Variants in MNX1 observed in about 807,000 individuals in gnomAD.
The protein encoded by MNX1 is motor neuron and pancreas homeobox protein 1.
In MNX1, 2 loss-of-function variants were observed where a neutral mutation model predicts 17.3. The ratio of observed to expected loss-of-function variants is 0.12; its 90% CI spans 0.05 to 0.36. The LOEUF (loss-of-function observed/expected upper bound fraction) is 0.36, where lower values mean the gene tolerates loss of function less well. Ranked by LOEUF, MNX1 falls within the 10% of genes least tolerant of loss-of-function variation. MNX1 has a pLI of 1.00. For missense variants in MNX1, 556 were observed against 564.7 expected (o/e 0.98, Z 0.16); for synonymous variants, 306 against 283.1 (o/e 1.08, Z -0.81).
At position 157,010,605 on chromosome 7, in the gene MNX1, GC is replaced by G; in HGVS notation, c.-256del. ...TGCTTCCCCGCGTCCGGGCCCGGGA[GC>G]CCGGTTCTTTGCGCTGCAGCCCTCA... is the stretch of plus-strand genomic sequence containing the variant. On this transcript the variant is annotated 5_prime_UTR_variant, in exon 1 of 3. Coordinates refer to ENST00000252971, the MANE Select transcript of MNX1 (RefSeq NM_005515.4). The G allele has an allele frequency of 3.5e-6, 1 of 287,206 alleles. No individual in the cohort carries two copies. The highest frequency in any genetic ancestry group is 6.5e-6 in the Non-Finnish European group (1 of 152,940). 17.8% of individuals were successfully genotyped at this position (287,206 alleles called of 1,614,324 possible). A position where few individuals can be genotyped will look rare whatever the true frequency, so the allele number is the denominator to read the frequency against.
intron 1 of MNX1, chr7:157,007,638 T>C (rs1805629936): frequency 6.6e-6 from 1 of 152,224 alleles, no homozygotes; most frequent in South Asian, 2.1e-4. Flanking sequence ...TTACATAATT[T>C]CGCACGGTTA....
At position 157,010,093 on chromosome 7, in the gene MNX1, C is replaced by T. The variant is rs1338262154; in HGVS notation, c.258G>A (p.Ala86=). 3.0e-6 allele frequency: 3 copies of T among 984,778 alleles called. No homozygotes were observed. In the African/African-American group the frequency reaches 5.3e-5, roughly 17 times the overall value. The allele number at this position is 984,778 out of a possible 1,614,324, so 61.0% of individuals were successfully genotyped here. Residue 86 remains alanine (A), a synonymous_variant, in exon 1 of 3, where the codon GCG becomes GCA. Transcript: ENST00000252971. ...CCGGCTTGGGCAGCAGCGCGCAGTG[C>T]GCGGCCAGCAGGCGCGGCGGCGACG... ...ESPSPPRLLA[A]HCALLPKPGF... is the part of the protein sequence containing the mutation.
At position 157,004,938 on chromosome 7, in the gene MNX1, T is replaced by C; in HGVS notation, c.*582A>G. On this transcript the variant is annotated 3_prime_UTR_variant, in exon 3 of 3. Coordinates refer to ENST00000252971, the MANE Select transcript of MNX1 (RefSeq NM_005515.4). The surrounding 1 kb of genome is among the most constrained non-coding windows in gnomAD (Gnocchi z 6.2). Reference sequence around the variant, plus strand: ...TAATTTAGCATGCATACGTAGACGTTTCTTTTTATATATAAATACAATATA... The same window carrying C: ...TAATTTAGCATGCATACGTAGACGTCTCTTTTTATATATAAATACAATATA... The C allele has an allele frequency of 4.9e-6, 1 of 205,790 alleles. No individual in the cohort carries two copies. Among genetic ancestry groups the C allele is most frequent in the East Asian group, 7.4e-5 (1 of 13,544 alleles). 12.7% of individuals were successfully genotyped at this position (205,790 alleles called of 1,614,324 possible).
chr7:157,006,642 G>A lies in MNX1; in HGVS notation c.692-3C>T. The stretch of plus-strand genomic sequence containing the variant: ...CAGGAGGTTCGACTGCGCCTGGGCT[G>A]GGGACCAAAGGGCAGTGAGGCCCAC... On this transcript the variant is annotated splice_polypyrimidine_tract_variant and splice_region_variant and intron_variant, in intron 1 of 2. Transcript: ENST00000252971. The surrounding 1 kb of genome is among the most constrained non-coding windows in gnomAD (Gnocchi z 6.3). 2 of 1,583,168 alleles carry A rather than the reference G, an allele frequency of 1.3e-6. No individual in the cohort carries two copies. The highest frequency in any genetic ancestry group is 2.3e-5 in the East Asian group (1 of 43,694).
In MNX1 at chr7:157,010,107, G is replaced by T. The variant is rs1240734390; in HGVS notation, c.244C>A (p.Arg82Ser). The T allele has an allele frequency of 2.7e-5, 27 of 988,352 alleles. No individual in the cohort carries two copies. Among genetic ancestry groups the T allele is most frequent in the Non-Finnish European group, 3.2e-5 (27 of 833,678 alleles). 61.2% of individuals were successfully genotyped at this position (988,352 alleles called of 1,614,324 possible). Reference sequence around the variant, plus strand: ...AGCGCGCAGTGCGCGGCCAGCAGGCGCGGCGGCGACGGGCTCTCGGCGCGC... The same window carrying T: ...AGCGCGCAGTGCGCGGCCAGCAGGCTCGGCGGCGACGGGCTCTCGGCGCGC... ...RLRAESPSPP[R>S]LLAAHCALLP... is the part of the protein sequence containing the mutation. Residue 82 changes from arginine (R) to serine (S), a missense_variant, in exon 1 of 3, where the codon CGC becomes AGC. This residue lies in a region of MNX1 where 115 missense variants were observed against 103.5 expected (regional missense o/e 1.11). Coordinates refer to ENST00000252971, the MANE Select transcript of MNX1 (RefSeq NM_005515.4).
Position 157,009,866 on chromosome 7 carries a change from G to T in MNX1, c.485C>A (p.Pro162Gln). Residue 162 changes from proline to glutamine, a missense_variant, in exon 1 of 3, where the codon CCG becomes CAG. Pro to Gln is a moderately conservative substitution (Grantham distance 76). This residue lies in a region of MNX1 where 210 missense variants were observed against 211.3 expected (regional missense o/e 0.99). Coordinates refer to ENST00000252971, the MANE Select transcript of MNX1 (RefSeq NM_005515.4). The stretch of plus-strand genomic sequence containing the variant: ...CGCCGCCGCGGAGTAGCCGTAGACC[G>T]GGTGGCCGTAGAGCGCCGCCTGCGC... ...LPAQAALYGH[P>Q]VYGYSAAAAA... The T allele has an allele frequency of 1.4e-6, 2 of 1,480,300 alleles. No homozygotes were observed. The highest frequency in any genetic ancestry group is 1.5e-5 in the African/African-American group (1 of 67,850). 91.7% of individuals were successfully genotyped at this position (1,480,300 alleles called of 1,614,324 possible).
intron 2 of MNX1, 83 bp from the exon 3 acceptor site, chr7:157,005,956 T>G: frequency 1.3e-6 from 2 of 1,503,118 alleles, no homozygotes. Flanking sequence ...CGCGTGCGCC[T>G]GGGCCCCATT....
At position 157,010,162 on chromosome 7, in the gene MNX1, C is replaced by G; in HGVS notation, c.189G>C (p.Ser63=). 2 of 1,129,652 alleles carry G rather than the reference C, an allele frequency of 1.8e-6. No homozygotes were observed. Among genetic ancestry groups the G allele is most frequent in the African/African-American group, 1.7e-5 (1 of 60,350 alleles). 70.0% of individuals were successfully genotyped at this position (1,129,652 alleles called of 1,614,324 possible). ...GGTCGGCGGGCGCAGCCGGCGGCTCCGAGGACGCGGGGCTGCAGCTGCCGC... is the reference window on the plus strand; with the variant it reads ...GGTCGGCGGGCGCAGCCGGCGGCTCGGAGGACGCGGGGCTGCAGCTGCCGC... The part of the protein sequence containing the change: ...GTSGSCSPAS[S]EPPAAPADRL... Residue 63 remains serine (S), a synonymous_variant, in exon 1 of 3, where the codon TCG becomes TCC. Coordinates refer to ENST00000252971, the MANE Select transcript of MNX1 (RefSeq NM_005515.4).
At position 157,005,527 on chromosome 7, in the gene MNX1, GGC is replaced by G; in HGVS notation, c.1197_1198del (p.Gln401ValfsTer65). On this transcript the variant is annotated frameshift_variant, in exon 3 of 3. Coordinates refer to ENST00000252971, the MANE Select transcript of MNX1 (RefSeq NM_005515.4). LOFTEE classifies it high-confidence loss of function. ...TGCTGGGCCGCGGGGCTCCTACTGGGGCGCGGGCTGGTGGCTGGGCCGCGGGG... is the reference window on the plus strand; with the variant it reads ...TGCTGGGCCGCGGGGCTCCTACTGGGGCGGGCTGGTGGCTGGGCCGCGGGG... 1 of 1,511,064 alleles carries G rather than the reference GGC, an allele frequency of 6.6e-7. No homozygotes were observed. Among genetic ancestry groups the G allele is most frequent in the Non-Finnish European group, 8.8e-7 (1 of 1,134,572 alleles). 93.6% of individuals were successfully genotyped at this position (1,511,064 alleles called of 1,614,324 possible).
In MNX1 at chr7:157,006,633, G is replaced by A. The variant is rs771845863; in HGVS notation, c.698C>T (p.Ala233Val). The A allele has an allele frequency of 1.3e-6, 2 of 1,591,406 alleles. No individual in the cohort carries two copies. Among genetic ancestry groups the A allele is most frequent in the South Asian group, 1.1e-5 (1 of 87,502 alleles). Reference sequence around the variant, plus strand: ...GCACTTCCCCAGGAGGTTCGACTGCGCCTGGGCTGGGGACCAAAGGGCAGT... The same window carrying A: ...GCACTTCCCCAGGAGGTTCGACTGCACCTGGGCTGGGGACCAAAGGGCAGT... ...LPKMPDFNSQ[A>V]QSNLLGKCRR... is the part of the protein sequence containing the mutation. Residue 233 changes from alanine to valine, a missense_variant, in exon 2 of 3, where the codon GCG (alanine) becomes GTG (valine). By Grantham distance (64) the Ala-to-Val change is moderately conservative (BLOSUM62 0). Transcript: ENST00000252971. This position sits in a 1 kb window ranked among gnomAD's most constrained non-coding sequence, Gnocchi z 6.3.
Position 157,005,145 on chromosome 7 carries a change from C to T in MNX1, c.*375G>A, listed in dbSNP as rs1012259892. On this transcript the variant is annotated 3_prime_UTR_variant, in exon 3 of 3. Coordinates refer to ENST00000252971, the MANE Select transcript of MNX1 (RefSeq NM_005515.4). ...AGGTAACACTGTGGGTTTCCGCCTT[C>T]TCGGACGCGGGGAAAGGGGAGACAG... 8.2e-5 allele frequency: 19 copies of T among 231,342 alleles called. No individual in the cohort carries two copies. The highest frequency in any genetic ancestry group is 1.6e-4 in the Non-Finnish European group (19 of 117,080). The allele number at this position is 231,342 out of a possible 1,614,324, so 14.3% of individuals were successfully genotyped here.
At position 157,009,172 on chromosome 7, in the gene MNX1, G is replaced by C. The variant is rs140413745; in HGVS notation, c.691+488C>G. 6.1e-6 allele frequency: 9 copies of C among 1,480,322 alleles called. No individual in the cohort carries two copies. In the East Asian group the frequency reaches 2.0e-4, roughly 33 times the overall value. The allele number at this position is 1,480,322 out of a possible 1,614,324, so 91.7% of individuals were successfully genotyped here. A position where few individuals can be genotyped will look rare whatever the true frequency, so the allele number is the denominator to read the frequency against. On this transcript the variant is annotated intron_variant, in intron 1 of 2. Transcript: ENST00000252971. ...CCCTGGGCCTTGGCCTTGCCTCCCC[G>C]GGCCTCCGAAGCCCATTTCTCTTGT...
chr7:157,009,258 T>TG, intron 1 of MNX1: 1 of 1,423,400 alleles, frequency 7.0e-7, no homozygotes, highest in Non-Finnish European at 9.1e-7. Flanking sequence ...AACGCCCCAG[T>TG]GGGGGACCTG....
Position 157,006,629 on chromosome 7 carries a change from C to T in MNX1, c.702G>A (p.Gln234=). 6.3e-7 allele frequency: 1 copy of T among 1,594,686 alleles called. No homozygotes were observed. Among genetic ancestry groups the T allele is most frequent in the African/African-American group, 1.3e-5 (1 of 74,858 alleles). Residue 234 remains glutamine, a synonymous_variant, in exon 2 of 3, where the codon CAG becomes CAA. Coordinates refer to ENST00000252971, the MANE Select transcript of MNX1 (RefSeq NM_005515.4). This position sits in a 1 kb window ranked among gnomAD's most constrained non-coding sequence, Gnocchi z 6.3. ...GGCGGCACTTCCCCAGGAGGTTCGA[C>T]TGCGCCTGGGCTGGGGACCAAAGGG... is the stretch of plus-strand genomic sequence containing the variant. ...PKMPDFNSQA[Q]SNLLGKCRRP... is the part of the protein sequence containing the mutation.
Position 157,010,117 on chromosome 7 carries a change from C to G in MNX1, c.234G>C (p.Pro78=). The G allele has an allele frequency of 1.0e-6, 1 of 996,774 alleles. No individual in the cohort carries two copies. The highest frequency in any genetic ancestry group is 1.8e-5 in the African/African-American group (1 of 57,000). The allele number at this position is 996,774 out of a possible 1,614,324, so 61.7% of individuals were successfully genotyped here. Residue 78 remains proline, a synonymous_variant, in exon 1 of 3, where the codon CCG becomes CCC. Coordinates refer to ENST00000252971, the MANE Select transcript of MNX1 (RefSeq NM_005515.4). ...GCGCGGCCAGCAGGCGCGGCGGCGACGGGCTCTCGGCGCGCAGGCGGTCGG... is the reference window on the plus strand; with the variant it reads ...GCGCGGCCAGCAGGCGCGGCGGCGAGGGGCTCTCGGCGCGCAGGCGGTCGG... ...APADRLRAES[P]SPPRLLAAHC...
rs555514480 is a variant in MNX1, at chr7:157,009,761, G to A, written c.590C>T (p.Pro197Leu). 3.1e-6 allele frequency: 5 copies of A among 1,599,048 alleles called. No individual in the cohort carries two copies. In the Admixed American group the frequency reaches 8.5e-5, roughly 27 times the overall value. ...GGCGCCCAGCTTGATGGGGTCGGCG[G>A]GGTGCGCGGGGTGCGCGCCTTGCAC... ...PQVQGAHPAH[P>L]ADPIKLGAGT... is the part of the protein sequence containing the mutation. The change falls in exon 1 of 3, where the codon CCC becomes CTC. Residue 197 changes from proline (P) to leucine (L), a missense_variant. By Grantham distance (98) the Pro-to-Leu change is moderately conservative (BLOSUM62 -3). Transcript: ENST00000252971.
Position 157,009,796 on chromosome 7 carries a change from C to T in MNX1, c.555G>A (p.Ser185=). The T allele has an allele frequency of 6.4e-7, 1 of 1,566,970 alleles. No individual in the cohort carries two copies. The change falls in exon 1 of 3, where the codon TCG becomes TCA. Residue 185 remains serine, a synonymous_variant. Coordinates refer to ENST00000252971, the MANE Select transcript of MNX1 (RefSeq NM_005515.4). Reference sequence around the variant, plus strand: ...GGTGCGCGCCTTGCACCTGCGGGTACGAGTAGGAGAGCGCCGGGTGCTGGC... The same window carrying T: ...GGTGCGCGCCTTGCACCTGCGGGTATGAGTAGGAGAGCGCCGGGTGCTGGC... ...LAGQHPALSY[S]YPQVQGAHPA...
Position 157,006,462 on chromosome 7 carries a change from G to A in MNX1, c.852+17C>T, listed in dbSNP as rs776257212. 6.8e-6 allele frequency: 11 copies of A among 1,606,992 alleles called. No homozygotes were observed. Among genetic ancestry groups the A allele is most frequent in the Non-Finnish European group, 9.3e-6 (11 of 1,178,170 alleles). On this transcript the variant is annotated intron_variant, in intron 2 of 2. Transcript: ENST00000252971. The surrounding 1 kb of genome is among the most constrained non-coding windows in gnomAD (Gnocchi z 6.3). ...CCTGGGAGGCCGGGATGCGTCGGGG[G>A]CGGGGAGGGCGCGCACCTGGGTCTC...
chr7:157,008,661 G>A, intron 1 of MNX1: 1 of 371,650 alleles, frequency 2.7e-6, no homozygotes, highest in East Asian at 4.2e-5. Flanking sequence ...TGCTCTGCCT[G>A]CATCTCCCCA....
Sources: allele counts gnomAD v4.1 joint callset, GRCh38; gene constraint gnomAD v4.1.1; regional missense constraint gnomAD v4.1.1; non-coding constraint Gnocchi (gnomAD v3.1); transcripts MANE v1.5; gene names NCBI Gene and HGNC (gene_info 2026-07-23, HGNC 2026-07-21).